SH3RF2: variants seen among roughly 807,000 people sequenced by gnomAD.
SH3RF2 encodes the protein E3 ubiquitin-protein ligase SH3RF2.
In SH3RF2, 43 loss-of-function variants were observed where a neutral mutation model predicts 59.0. That is an observed-to-expected ratio of 0.73 (90% CI 0.57 to 0.94). The LOEUF is 0.94. Among genes scored for constraint, SH3RF2 ranks in the 40% least tolerant of loss-of-function variants. The probability of loss-of-function intolerance (pLI) is 0.00; values close to 1 mark genes in which losing one functional copy is unlikely to be tolerated. For missense variants in SH3RF2, 930 were observed against 940.1 expected (o/e 0.99, Z 0.14); for synonymous variants, 391 against 391.5 (o/e 1.00, Z 0.01).
chr5:146,016,156 G>A (rs1314228473), intron 5 of SH3RF2, among the ~76,000 whole-genome samples: 1 of 152,118 alleles, frequency 6.6e-6, no homozygotes, highest in Non-Finnish European at 1.5e-5. Context: ...GAAGACTTGA[G>A]AAAGAATTAA....
At chr5:146,053,882 G>A (rs1373782938) in intron 7 of SH3RF2, among the ~76,000 whole-genome samples, 1 of 152,168 alleles carries the variant, frequency 6.6e-6, no homozygotes, top group Non-Finnish European at 1.5e-5. Flanking sequence ...TCCTTACTGG[G>A]AGGCTGCTGC....
downstream of SH3RF2, among the ~76,000 whole-genome samples, chr5:146,064,991 A>T (rs910006392): frequency 7.9e-5 from 12 of 152,250 alleles, no homozygotes; most frequent in South Asian, 2.5e-3. Flanking sequence ...CCACTCACAC[A>T]CTCGGCAAAC....
intron 7 of SH3RF2, among the ~76,000 whole-genome samples, chr5:146,051,889 A>G (rs1466979299): frequency 6.6e-6 from 1 of 152,196 alleles, no homozygotes; most frequent in East Asian, 1.9e-4. Flanking sequence ...GAAATCTTCA[A>G]GGAGTGAGAG....
In SH3RF2 at chr5:146,054,702, C is replaced by T. The variant is rs1415985722; in HGVS notation, c.1323-1279C>T. 2.0e-5 allele frequency among the ~76,000 whole-genome samples: 3 copies of T among 152,210 alleles called. No homozygotes were observed. The East Asian group carries it at 5.8e-4, about 29-fold the overall frequency. The stretch of plus-strand genomic sequence containing the variant: ...CTGACCACAATTAAACAATGCCTTA[C>T]TTATCTTCGTACAATACTGGCTTGT... On this transcript the variant is annotated intron_variant, in intron 7 of 9. Transcript: ENST00000359120.
At chr5:145,992,532 T>G (rs1759979670) in intron 2 of SH3RF2, among the ~76,000 whole-genome samples, 1 of 152,118 alleles carries the variant, frequency 6.6e-6, no homozygotes, top group Non-Finnish European at 1.5e-5. Context: ...CTGGGCAATT[T>G]ACAAAAGAAA....
intron 2 of SH3RF2, among the ~76,000 whole-genome samples, chr5:145,962,153 A>ATTTG (rs1758653585): frequency 6.6e-6 from 1 of 152,164 alleles, no homozygotes; most frequent in Admixed American, 6.5e-5. Context: ...GCTGTACCAA[A>ATTTG]GGTATAAGGA....
At chr5:146,079,305 T>C (rs1763389799) in exon 10 of SH3RF2, 1 of 152,182 alleles carries the variant, frequency 6.6e-6, no homozygotes, top group Non-Finnish European at 1.5e-5. Flanking sequence ...AAAAAGACTA[T>C]AATCTAAGAT....
intron 2 of SH3RF2, among the ~76,000 whole-genome samples, chr5:145,957,966 A>C (rs1203207427): frequency 1.3e-5 from 2 of 152,142 alleles, no homozygotes; most frequent in African/African-American, 4.8e-5. Context: ...TACAAAAATT[A>C]GCTAGGCATG....
At chr5:145,965,635 T>G (rs1327520101) in intron 2 of SH3RF2, among the ~76,000 whole-genome samples, 2 of 152,186 alleles carry the variant, frequency 1.3e-5, no homozygotes, top group African/African-American at 2.4e-5. Flanking sequence ...GTAATTGGTG[T>G]TTACACTCAC....
chr5:146,061,686 G>T (rs573058868), intron 9 of SH3RF2, among the ~76,000 whole-genome samples: 1 of 152,248 alleles, frequency 6.6e-6, no homozygotes, highest in Non-Finnish European at 1.5e-5. Context: ...TAACAGGCTA[G>T]GAGATGTGAA....
intron 2 of SH3RF2, among the ~76,000 whole-genome samples, chr5:145,971,738 G>A (rs9968682): frequency 0.085 from 12,933 of 152,238 alleles, 1,870 homozygotes; most frequent in African/African-American, 0.29. Context: ...AGAAGAAAAT[G>A]TCACAGTCCT....
chr5:145,988,718 T>C (rs1379584275), intron 2 of SH3RF2, among the ~76,000 whole-genome samples: 2 of 152,190 alleles, frequency 1.3e-5, no homozygotes, highest in Non-Finnish European at 2.9e-5. Context: ...TTTAGGGATT[T>C]CCACTTGGTA....
At chr5:146,073,658 AT>A (rs990059683) in intron 9 of SH3RF2, among the ~76,000 whole-genome samples, 6 of 149,468 alleles carry the variant, frequency 4.0e-5, no homozygotes, top group African/African-American at 1.5e-4. Context: ...TCACTTACTC[AT>A]TTTTTTTTCA....
chr5:145,937,963 G>T lies in SH3RF2; in HGVS notation c.35G>T (p.Cys12Phe). 1 of 1,614,160 alleles carries T rather than the reference G, an allele frequency of 6.2e-7. No homozygotes were observed. The highest frequency in any genetic ancestry group is 8.5e-7 in the Non-Finnish European group (1 of 1,180,028). Residue 12 changes from cysteine to phenylalanine, a missense_variant, in exon 2 of 10, where the codon TGC becomes TTC. Coordinates refer to ENST00000359120, the MANE Select transcript of SH3RF2 (RefSeq NM_152550.4). ...DDLTLLDLLE[C>F]PVCFEKLDVT... is the part of the protein sequence containing the mutation. ...TTGACGTTACTTGATCTTCTGGAGT[G>T]CCCTGTGTGCTTTGAGAAGCTCGAT...
At chr5:145,939,704 C>A (rs771068643) in intron 2 of SH3RF2, among the ~76,000 whole-genome samples, 1 of 152,082 alleles carries the variant, frequency 6.6e-6, no homozygotes, top group African/African-American at 2.4e-5. Context: ...CTGGAAATGG[C>A]GAAGTAGGGG....
chr5:146,004,224 A>G, intron 4 of SH3RF2, 71 bp downstream of exon 4: 1 of 1,250,364 alleles, frequency 8.0e-7, no homozygotes, highest in Non-Finnish European at 1.1e-6. Context: ...GTGATGCCTG[A>G]GAGCAATTCC....
chr5:145,955,572 A>G (rs1300852352), intron 2 of SH3RF2, among the ~76,000 whole-genome samples: 1 of 152,206 alleles, frequency 6.6e-6, no homozygotes, highest in African/African-American at 2.4e-5. Context: ...GAAGAGAAAA[A>G]GGAAGATCAG....
At chr5:146,003,949 C>T in intron 3 of SH3RF2, 109 bp from the exon 4 acceptor site, 1 of 768,254 alleles carries the variant, frequency 1.3e-6, no homozygotes, top group Non-Finnish European at 2.0e-6. Context: ...CAAGCACAAG[C>T]TACATTCCTA....
At chr5:146,035,991 G>A (rs1391526077) in intron 5 of SH3RF2, among the ~76,000 whole-genome samples, 1 of 152,204 alleles carries the variant, frequency 6.6e-6, no homozygotes, top group Admixed American at 6.5e-5. Context: ...GAGGAGAACT[G>A]CAGCAGACTT....
Sources: allele counts gnomAD v4.1 joint callset (sites outside exome capture counted in the v4.1 genomes callset), GRCh38; gene constraint gnomAD v4.1.1; transcripts MANE v1.5; gene names NCBI Gene and HGNC (gene_info 2026-07-23, HGNC 2026-07-21).